PHF24: variants seen among roughly 807,000 people sequenced by gnomAD.
The protein encoded by PHF24 is Galpha inhibitory interacting protein.
Under a neutral mutation model 42.6 loss-of-function variants are expected in PHF24, and 25 were observed. That is an observed-to-expected ratio of 0.59 (90% CI 0.43 to 0.82). The LOEUF (loss-of-function observed/expected upper bound fraction) is 0.82, where lower values mean the gene tolerates loss of function less well. Ranked by LOEUF, PHF24 falls within the 40% of genes least tolerant of loss-of-function variation. The pLI is 0.00. For synonymous variants in PHF24, 185 were observed against 204.8 expected, an observed-to-expected ratio of 0.90 and a Z score of 0.83; for missense variants, 470 against 538.1, an observed-to-expected ratio of 0.87 and a Z score of 1.25.
chr9:34,907,130 T>C, the PHF24 span, among the ~76,000 whole-genome samples: 5 of 152,290 alleles, frequency 3.3e-5, no homozygotes, highest in South Asian at 1.0e-3. Flanking sequence ...CTGATCCAGA[T>C]TTTTCATCTG....
At chr9:34,887,337 G>C in the PHF24 span, among the ~76,000 whole-genome samples, 1 of 152,124 alleles carries the variant, frequency 6.6e-6, no homozygotes, top group Non-Finnish European at 1.5e-5. Context: ...ACATAAGTCA[G>C]ATCTAAGCAG....
the PHF24 span, chr9:34,832,439 G>A: frequency 7.0e-7 from 1 of 1,434,178 alleles, no homozygotes; most frequent in Non-Finnish European, 9.5e-7. Flanking sequence ...GACCATCCAA[G>A]AAAGCTGGGC....
chr9:34,835,256 A>T, the PHF24 span: 1 of 1,552,276 alleles, frequency 6.4e-7, no homozygotes, highest in South Asian at 1.2e-5. Flanking sequence ...AGATCTGTGA[A>T]GAGAGACCTG....
Position 34,977,535 on chromosome 9 carries a change from A to G in PHF24, c.1011-11A>G, listed in dbSNP as rs1563938155. The G allele has an allele frequency of 1.2e-6, 2 of 1,602,458 alleles. No individual in the cohort carries two copies. Among genetic ancestry groups the G allele is most frequent in the Non-Finnish European group, 1.7e-6 (2 of 1,173,884 alleles). On this transcript the variant is annotated splice_polypyrimidine_tract_variant and intron_variant, in intron 6 of 7. Coordinates refer to ENST00000242315, the Ensembl canonical transcript of PHF24. The stretch of plus-strand genomic sequence containing the variant: ...ATCCCACTCCTAACCACGTGTCCTC[A>G]TGCCCAGCAGCATCAGCCATGTGGG...
the PHF24 span, among the ~76,000 whole-genome samples, chr9:34,736,185 C>A: frequency 1.3e-5 from 2 of 151,914 alleles, no homozygotes; most frequent in African/African-American, 2.4e-5. Context: ...ACAGAGCATC[C>A]AAGAGCTGTG....
chr9:34,720,778 T>C, the PHF24 span, among the ~76,000 whole-genome samples: 1 of 152,204 alleles, frequency 6.6e-6, no homozygotes, highest in Non-Finnish European at 1.5e-5. Context: ...GAGCTTTCTC[T>C]GTGAGCTCTC....
At chr9:34,955,415 A>ACG (rs10654201), upstream of PHF24, among the ~76,000 whole-genome samples, 119,574 of 151,894 alleles carry the variant, frequency 0.79, 47,344 homozygotes, top group East Asian at 0.97. Flanking sequence ...CAAGTGGCTC[A>ACG]CCTGTAATCC....
chr9:34,907,783 G>C, the PHF24 span, among the ~76,000 whole-genome samples: 1 of 151,592 alleles, frequency 6.6e-6, no homozygotes, highest in African/African-American at 2.4e-5. Context: ...CTTCCAGTTT[G>C]ATTTCTTTCT....
the PHF24 span, among the ~76,000 whole-genome samples, chr9:34,900,353 C>CT: frequency 6.6e-6 from 1 of 152,200 alleles, no homozygotes; most frequent in Non-Finnish European, 1.5e-5. Context: ...AATCCCAGCA[C>CT]TTTGGGAGGC....
the PHF24 span, among the ~76,000 whole-genome samples, chr9:34,771,822 A>T: frequency 6.6e-6 from 1 of 152,196 alleles, no homozygotes; most frequent in Admixed American, 6.5e-5. Context: ...ATTTGTTTTA[A>T]AGAAAACATT....
At chr9:34,804,272 A>T in the PHF24 span, among the ~76,000 whole-genome samples, 2 of 152,184 alleles carry the variant, frequency 1.3e-5, no homozygotes, top group East Asian at 3.8e-4. Context: ...GTTTGAGGTG[A>T]TGTGAGGAAG....
chr9:34,697,893 A>C, the PHF24 span, among the ~76,000 whole-genome samples: 2 of 152,154 alleles, frequency 1.3e-5, no homozygotes, highest in Non-Finnish European at 2.9e-5. Context: ...GGCTTATTTC[A>C]AGGTGAATGA....
At chr9:34,765,072 T>C in the PHF24 span, among the ~76,000 whole-genome samples, 2 of 152,012 alleles carry the variant, frequency 1.3e-5, no homozygotes, top group Admixed American at 6.6e-5. Flanking sequence ...AGACAGTTTG[T>C]TATAATTTCT....
chr9:34,888,794 A>G, the PHF24 span, among the ~76,000 whole-genome samples: 1 of 152,268 alleles, frequency 6.6e-6, no homozygotes, highest in East Asian at 1.9e-4. Flanking sequence ...CCATGTCCAC[A>G]TTCCTCCTCT....
the PHF24 span, chr9:34,889,526 C>G: frequency 2.5e-6 from 1 of 398,590 alleles, no homozygotes. Flanking sequence ...GGGTCACTGT[C>G]TCAGCCTTAG....
chr9:34,833,839 T>G, the PHF24 span: 1 of 1,551,490 alleles, frequency 6.4e-7, no homozygotes, highest in South Asian at 1.2e-5. Context: ...GAGGCTCTGC[T>G]GGGATTTCCA....
At chr9:34,976,873 C>A in intron 5 of PHF24, 133 bp downstream of exon 5, 1 of 910,218 alleles carries the variant, frequency 1.1e-6, no homozygotes, top group Non-Finnish European at 1.6e-6. Context: ...CAGGTTCCAT[C>A]CAGTGACAGA....
At chr9:34,892,995 A>G in the PHF24 span, 1 of 762,922 alleles carries the variant, frequency 1.3e-6, no homozygotes. Context: ...TCTAGGCAAG[A>G]GGAGCCCTGT....
At chr9:34,697,857 G>A in the PHF24 span, among the ~76,000 whole-genome samples, 1 of 152,208 alleles carries the variant, frequency 6.6e-6, no homozygotes, top group Non-Finnish European at 1.5e-5. Flanking sequence ...ACATGAGGTT[G>A]TGAGATGCTC....
Sources: gnomAD v4.1 joint callset for allele counts (sites outside exome capture counted in the v4.1 genomes callset) on GRCh38, gnomAD v4.1.1 for gene constraint, MANE v1.5 for transcripts, NCBI Gene and HGNC (gene_info 2026-07-23, HGNC 2026-07-21) for gene names.